The following EPHB1 variants were observed in gnomAD, a reference collection of about 807,000 sequenced individuals.
EPHB1 encodes the protein ephrin type-B receptor 1.
In EPHB1, 30 loss-of-function variants were observed where a neutral mutation model predicts 94.4. That is an observed-to-expected ratio of 0.32 (90% CI 0.24 to 0.43). The LOEUF is 0.43. Ranked by LOEUF, EPHB1 falls within the 20% of genes least tolerant of loss-of-function variation. The pLI is 1.00. For synonymous variants in EPHB1, 522 were observed against 489.1 expected (o/e 1.07, Z -0.89); for missense variants, 1,055 against 1,308.3 (o/e 0.81, Z 2.99).
intron 1 of EPHB1, among the ~76,000 whole-genome samples, chr3:134,880,722 C>T (rs550399474): frequency 3.5e-4 from 54 of 152,328 alleles, no homozygotes; most frequent in Non-Finnish European, 3.4e-4. Flanking sequence ...TTGGGCAGAG[C>T]GGTAGATGAG....
intron 2 of EPHB1, among the ~76,000 whole-genome samples, chr3:134,928,629 G>A (rs39703): frequency 0.59 from 89,190 of 152,000 alleles, 28,412 homozygotes; most frequent in African/African-American, 0.85. Context: ...AGCTTGAAGC[G>A]TCTCTGAGGC....
chr3:135,180,009 G>A, intron 10 of EPHB1, 27 bp downstream of exon 10: 2 of 1,612,688 alleles, frequency 1.2e-6, no homozygotes, highest in Non-Finnish European at 1.7e-6. Flanking sequence ...TCTTGTTTCT[G>A]TTCTCCTGGT....
intron 1 of EPHB1, among the ~76,000 whole-genome samples, chr3:134,889,021 C>T (rs1368738895): frequency 6.6e-6 from 1 of 152,188 alleles, no homozygotes; most frequent in African/African-American, 2.4e-5. Flanking sequence ...GAAGTAGACC[C>T]ATTAGCAGCC....
At chr3:134,874,157 T>C (rs1035371192) in intron 1 of EPHB1, among the ~76,000 whole-genome samples, 4 of 152,020 alleles carry the variant, frequency 2.6e-5, no homozygotes, top group Admixed American at 2.6e-4. Context: ...ATCTCAAAAT[T>C]TGGGTTTTTT....
chr3:135,257,530 G>T (rs1382887227), intron 15 of EPHB1, among the ~76,000 whole-genome samples: 1 of 152,134 alleles, frequency 6.6e-6, no homozygotes, highest in African/African-American at 2.4e-5. Flanking sequence ...AGGTTGCTGG[G>T]GGGGTCAGGG....
chr3:134,828,893 G>T (rs1404208264), intron 1 of EPHB1, among the ~76,000 whole-genome samples: 1 of 152,154 alleles, frequency 6.6e-6, no homozygotes, highest in Non-Finnish European at 1.5e-5. Flanking sequence ...GTATCTGCAG[G>T]GTCCCGTCCC....
chr3:135,107,079 G>A (rs1939246630), intron 4 of EPHB1, among the ~76,000 whole-genome samples: 1 of 152,194 alleles, frequency 6.6e-6, no homozygotes, highest in Admixed American at 6.5e-5. Flanking sequence ...ACCAAATGAA[G>A]ACTATTGTGT....
intron 3 of EPHB1, among the ~76,000 whole-genome samples, chr3:134,983,122 TAA>T: frequency 6.6e-6 from 1 of 152,340 alleles, no homozygotes; most frequent in East Asian, 1.9e-4. Context: ...AACGTTTTAA[TAA>T]AGAGGCCTCC....
At chr3:135,122,264 G>A (rs1055680355) in intron 4 of EPHB1, among the ~76,000 whole-genome samples, 7 of 152,178 alleles carry the variant, frequency 4.6e-5, no homozygotes, top group Admixed American at 4.6e-4. Context: ...ACTGCTTAAG[G>A]TCACACTTTG....
intron 3 of EPHB1, among the ~76,000 whole-genome samples, chr3:135,039,030 T>G (rs911804935): frequency 3.9e-5 from 6 of 151,976 alleles, no homozygotes; most frequent in East Asian, 3.9e-4. Flanking sequence ...GATACAGAGT[T>G]TCGACACACA....
intron 3 of EPHB1, among the ~76,000 whole-genome samples, chr3:135,000,539 C>T (rs1316262170): frequency 1.3e-5 from 2 of 152,172 alleles, no homozygotes; most frequent in African/African-American, 4.8e-5. Flanking sequence ...TCTTCCTCAC[C>T]TTTTCAAACA....
intron 3 of EPHB1, among the ~76,000 whole-genome samples, chr3:135,090,882 A>G (rs927755985): frequency 6.6e-6 from 1 of 152,212 alleles, no homozygotes; most frequent in Non-Finnish European, 1.5e-5. Context: ...GCGTAATATC[A>G]TTATAGATTT....
At chr3:135,144,836 A>G (rs1422511542) in intron 5 of EPHB1, among the ~76,000 whole-genome samples, 1 of 152,168 alleles carries the variant, frequency 6.6e-6, no homozygotes, top group African/African-American at 2.4e-5. Context: ...AGAGCTACAC[A>G]CCCAAGGAAG....
At chr3:134,890,258 T>C (rs1161002950) in intron 1 of EPHB1, among the ~76,000 whole-genome samples, 1 of 152,234 alleles carries the variant, frequency 6.6e-6, no homozygotes, top group Admixed American at 6.5e-5. Flanking sequence ...TTTATATAAA[T>C]GGTATTATGT....
At position 135,091,214 on chromosome 3, in the gene EPHB1, A is replaced by C. The variant is rs150068960; in HGVS notation, c.806-15234A>C. Among the ~76,000 whole-genome samples, 750 of 152,282 alleles carry C rather than the reference A, an allele frequency of 4.9e-3. 6 individuals are homozygous for C. The highest frequency in any genetic ancestry group is 0.017 in the African/African-American group (716 of 41,552). On this transcript the variant is annotated intron_variant, in intron 3 of 15. Coordinates refer to ENST00000398015, the MANE Select transcript of EPHB1 (RefSeq NM_004441.5). ...GCTGAGAAGGAGAAAGAGTTGAGGC[A>C]GTTGGGATGGGGGTGGGGGTGAGCT... is the stretch of plus-strand genomic sequence containing the variant.
Position 134,913,267 on chromosome 3 carries a change from G to C in EPHB1, c.59-12549G>C, listed in dbSNP as rs116188141. ...GTGGAGGCTGCAGGGGCATGGGAGG[G>C]GTGAGGGGGGAGCTCAGAGTCCTGG... On this transcript the variant is annotated intron_variant, in intron 1 of 15. Transcript: ENST00000398015. Among the ~76,000 whole-genome samples, 52 of 152,278 alleles carry C rather than the reference G, an allele frequency of 3.4e-4. 1 individual carries two copies. In the South Asian group the frequency reaches 0.01, roughly 30 times the overall value.
At chr3:135,240,685 G>A (rs1456140494) in intron 12 of EPHB1, among the ~76,000 whole-genome samples, 1 of 152,130 alleles carries the variant, frequency 6.6e-6, no homozygotes, top group Non-Finnish European at 1.5e-5. Context: ...GTAGTGGCAG[G>A]GCTCTCCAGG....
intron 3 of EPHB1, among the ~76,000 whole-genome samples, chr3:135,092,799 G>A (rs1938606851): frequency 1.3e-5 from 2 of 152,134 alleles, no homozygotes; most frequent in South Asian, 4.1e-4. Flanking sequence ...CTAATTTTTT[G>A]TATTTTTAGT....
intron 3 of EPHB1, among the ~76,000 whole-genome samples, chr3:135,085,253 A>G (rs544954342): frequency 1.3e-5 from 2 of 152,330 alleles, no homozygotes; most frequent in African/African-American, 4.8e-5. Flanking sequence ...ACTTTGAGGA[A>G]TTCCTAAAGG....
Sources: allele counts gnomAD v4.1 joint callset (sites outside exome capture counted in the v4.1 genomes callset), GRCh38; gene constraint gnomAD v4.1.1; transcripts MANE v1.5; gene names NCBI Gene and HGNC (gene_info 2026-07-23, HGNC 2026-07-21).